KSR1: variants seen among roughly 807,000 people sequenced by gnomAD.
KSR1 encodes the protein kinase suppressor of ras 1, also known as kinase suppressor of ras.
In KSR1, 35 loss-of-function variants were observed where a neutral mutation model predicts 92.9. That is an observed-to-expected ratio of 0.38 (90% CI 0.29 to 0.50). KSR1 has a LOEUF of 0.50. KSR1 is among the 20% of genes least tolerant of loss of function. The pLI is 0.94. For synonymous variants in KSR1, 467 were observed against 472.6 expected, an observed-to-expected ratio of 0.99 and a Z score of 0.15; for missense variants, 972 against 1,158.5, an observed-to-expected ratio of 0.84 and a Z score of 2.34.
At position 27,603,841 on chromosome 17, in the gene KSR1, A is replaced by G. The variant is rs2151225933; in HGVS notation, c.1518A>G (p.Ser506=). The G allele has an allele frequency of 1.2e-6, 2 of 1,613,968 alleles. No individual in the cohort carries two copies. The highest frequency in any genetic ancestry group is 2.2e-5 in the East Asian group (1 of 44,878). Residue 506 remains serine, a synonymous_variant, in exon 12 of 21, where the codon TCA becomes TCG. Coordinates refer to ENST00000644974, the MANE Select transcript of KSR1 (RefSeq NM_001394583.1). ...HRQQFIFPDI[S]AFAHAAPLPE... ...GGTTTTTGTTTCCTCCAGACATTTC[A>G]GCCTTTGCACACGCAGCCCCGCTCC... is the stretch of plus-strand genomic sequence containing the variant.
chr17:27,477,788 C>G (rs147960269), intron 1 of KSR1, among the ~76,000 whole-genome samples: 11 of 152,136 alleles, frequency 7.2e-5, no homozygotes, highest in African/African-American at 2.7e-4. Context: ...TAACAGCTCA[C>G]TGCTGCCTCG....
intron 2 of KSR1, among the ~76,000 whole-genome samples, chr17:27,553,419 G>T (rs1231323888): frequency 6.6e-6 from 1 of 152,222 alleles, no homozygotes; most frequent in Non-Finnish European, 1.5e-5. Context: ...AGTCAGCCCA[G>T]AGCTTAGGAC....
intron 1 of KSR1, among the ~76,000 whole-genome samples, chr17:27,535,206 G>C (rs2070710307): frequency 6.6e-6 from 1 of 152,298 alleles, no homozygotes; most frequent in African/African-American, 2.4e-5. Flanking sequence ...ATGGTGTGTA[G>C]CCTTGGCCAT....
At chr17:27,525,796 C>A (rs1233512695) in intron 1 of KSR1, among the ~76,000 whole-genome samples, 1 of 152,208 alleles carries the variant, frequency 6.6e-6, no homozygotes, top group Non-Finnish European at 1.5e-5. Flanking sequence ...GTAGTTGGGG[C>A]CAAGGACACC....
chr17:27,535,055 C>G (rs993750032), intron 1 of KSR1, among the ~76,000 whole-genome samples: 3 of 152,142 alleles, frequency 2.0e-5, no homozygotes, highest in African/African-American at 7.2e-5. Flanking sequence ...TGAGAAGTCC[C>G]TGGGGTCACA....
At chr17:27,544,479 G>A (rs527924250) in intron 1 of KSR1, among the ~76,000 whole-genome samples, 16 of 152,352 alleles carry the variant, frequency 1.1e-4, no homozygotes, top group Middle Eastern at 3.4e-3. Flanking sequence ...CTTAGTGAGC[G>A]CCTGCTGTAG....
intron 1 of KSR1, among the ~76,000 whole-genome samples, chr17:27,461,150 C>G (rs549570052): frequency 6.6e-6 from 1 of 152,168 alleles, no homozygotes; most frequent in Non-Finnish European, 1.5e-5. Flanking sequence ...GGCATGATCT[C>G]GGATCACTGC....
intron 1 of KSR1, among the ~76,000 whole-genome samples, chr17:27,540,145 T>G (rs564083750): frequency 1.3e-5 from 2 of 152,230 alleles, no homozygotes; most frequent in East Asian, 3.8e-4. Context: ...AACAGGTGAT[T>G]TATGTGATTT....
chr17:27,502,076 A>G (rs1418418496), intron 1 of KSR1, among the ~76,000 whole-genome samples: 1 of 152,354 alleles, frequency 6.6e-6, no homozygotes, highest in African/African-American at 2.4e-5. Context: ...ACCTTAGCCA[A>G]GGGCTCAGAC....
intron 6 of KSR1, among the ~76,000 whole-genome samples, chr17:27,589,534 G>A (rs977674772): frequency 2.6e-5 from 4 of 152,136 alleles, no homozygotes; most frequent in African/African-American, 9.7e-5. Flanking sequence ...TCACTCCCTG[G>A]CATGGGCATA....
At chr17:27,483,506 G>A (rs2068574488) in intron 1 of KSR1, among the ~76,000 whole-genome samples, 2 of 149,528 alleles carry the variant, frequency 1.3e-5, no homozygotes, top group African/African-American at 4.9e-5. Flanking sequence ...AGAATCGCTT[G>A]AACGTGGGAG....
chr17:27,565,894 T>TGGACTCCAGTTCAC (rs2072042170), intron 2 of KSR1, among the ~76,000 whole-genome samples: 2 of 152,196 alleles, frequency 1.3e-5, no homozygotes, highest in East Asian at 3.8e-4. Context: ...TTCATTTGCA[T>TGGACTCCAGTTCAC]GGACTCCAGT....
intron 10 of KSR1, among the ~76,000 whole-genome samples, chr17:27,598,315 G>A (rs1567872038): frequency 6.6e-6 from 1 of 152,176 alleles, no homozygotes; most frequent in Non-Finnish European, 1.5e-5. Context: ...TAGAGTCCAG[G>A]TCAGGCCCCT....
At chr17:27,594,068 C>T (rs2073258768) in intron 9 of KSR1, among the ~76,000 whole-genome samples, 1 of 152,184 alleles carries the variant, frequency 6.6e-6, no homozygotes, top group Non-Finnish European at 1.5e-5. Flanking sequence ...TGGGAGTTCA[C>T]AGTCATTCAG....
chr17:27,471,639 C>T (rs899955332), intron 1 of KSR1, among the ~76,000 whole-genome samples: 2 of 152,064 alleles, frequency 1.3e-5, no homozygotes, highest in Admixed American at 6.6e-5. Flanking sequence ...AGTGCTGGGC[C>T]GCAGGAGAGA....
intron 18 of KSR1, 105 bp from the exon 19 acceptor site, chr17:27,617,190 G>C: frequency 2.3e-6 from 3 of 1,280,088 alleles, no homozygotes; most frequent in Non-Finnish European, 3.1e-6. Flanking sequence ...CCGCCAGTTA[G>C]AGGGCACTTG....
At chr17:27,602,181 A>G (rs1007601529) in intron 11 of KSR1, among the ~76,000 whole-genome samples, 3 of 152,028 alleles carry the variant, frequency 2.0e-5, no homozygotes, top group African/African-American at 4.8e-5. Flanking sequence ...AGGCTTTTCT[A>G]TTCCCTAAGC....
At chr17:27,558,651 G>A (rs1567826493) in intron 2 of KSR1, among the ~76,000 whole-genome samples, 1 of 151,932 alleles carries the variant, frequency 6.6e-6, no homozygotes, top group Non-Finnish European at 1.5e-5. Flanking sequence ...AGGGATGCCA[G>A]ACTTGAAAAC....
At position 27,619,714 on chromosome 17, in the gene KSR1, A is replaced by T. The variant is rs547273752; in HGVS notation, c.2628-1479A>T. Among the ~76,000 whole-genome samples the T allele has an allele frequency of 9.1e-3, 1,225 of 134,576 alleles. 10 individuals are homozygous for T. Among genetic ancestry groups the T allele is most frequent in the Non-Finnish European group, 0.015 (922 of 61,490 alleles). 88.3% of individuals were successfully genotyped at this position (134,576 alleles called of 152,430 possible). Reference sequence around the variant, plus strand: ...ACCCAGCCTCCAGGCCTTGTCTTTTATTTTTTTGTTTTTTCTGAGACAGAG... The same window carrying T: ...ACCCAGCCTCCAGGCCTTGTCTTTTTTTTTTTTGTTTTTTCTGAGACAGAG... On this transcript the variant is annotated intron_variant, in intron 19 of 20. Coordinates refer to ENST00000644974, the MANE Select transcript of KSR1 (RefSeq NM_001394583.1).
Sources: gnomAD v4.1 joint callset for allele counts (sites outside exome capture counted in the v4.1 genomes callset) on GRCh38, gnomAD v4.1.1 for gene constraint, MANE v1.5 for transcripts, NCBI Gene and HGNC (gene_info 2026-07-23, HGNC 2026-07-21) for gene names.